The following RPS5 variants were observed in gnomAD, a reference collection of about 807,000 sequenced individuals.
The protein encoded by RPS5 is ribosomal protein S5, also known as small ribosomal subunit protein uS7.
Under a neutral mutation model 20.9 loss-of-function variants are expected in RPS5, and 2 were observed. That is an observed-to-expected ratio of 0.10 (90% CI 0.04 to 0.30). The LOEUF is 0.30. RPS5 is among the 10% of genes least tolerant of loss of function. RPS5 has a pLI of 1.00. For synonymous variants in RPS5, 112 were observed against 105.8 expected (o/e 1.06, Z -0.36); for missense variants, 122 against 287.2 (o/e 0.42, Z 4.16).
chr19:58,390,187 C>T (rs756807020), intron 2 of RPS5, among the ~76,000 whole-genome samples: 4 of 151,798 alleles, frequency 2.6e-5, no homozygotes, highest in South Asian at 2.1e-4. Context: ...TGAGCCACCA[C>T]GCCTGGCGTT....
intron 2 of RPS5, 110 bp from the exon 3 acceptor site, chr19:58,392,866 C>G: frequency 1.0e-6 from 1 of 962,958 alleles, no homozygotes; most frequent in South Asian, 1.5e-5. Flanking sequence ...GGATCCCAGA[C>G]AGCTGTTGGA....
intron 3 of RPS5, 74 bp from the exon 4 acceptor site, chr19:58,393,285 T>C: frequency 6.2e-7 from 1 of 1,608,456 alleles, no homozygotes; most frequent in Non-Finnish European, 8.5e-7. Flanking sequence ...GTGTGGTCAC[T>C]CTTGTTTTAG....
At chr19:58,388,636 G>GTTTTTTTTTTTTTTTTTTTTTTTTTTTT (rs3048304) in intron 2 of RPS5, 3 of 188,910 alleles carry the variant, frequency 1.6e-5, no homozygotes, top group Non-Finnish European at 2.8e-5. Context: ...GCTGGCCGTA[G>GTTTTTTTTTTTTTTTTTTTTTTTTTTTT]TTTTTTTTTT....
At chr19:58,393,530 C>T (rs762547171) in intron 4 of RPS5, 43 bp downstream of exon 4, 10 of 1,579,542 alleles carry the variant, frequency 6.3e-6, no homozygotes, top group East Asian at 2.3e-5. Context: ...GACACAGCCA[C>T]GGGAGTGGGT....
chr19:58,392,252 A>G (rs991242906), intron 2 of RPS5, among the ~76,000 whole-genome samples: 1 of 152,034 alleles, frequency 6.6e-6, no homozygotes, highest in Admixed American at 6.6e-5. Context: ...TGAACCCAGG[A>G]GGCAGAAGTT....
At chr19:58,392,912 T>C (rs1325785442) in intron 2 of RPS5, 64 bp from the exon 3 acceptor site, 32 of 1,501,344 alleles carry the variant, frequency 2.1e-5, no homozygotes, top group Non-Finnish European at 2.7e-5. Flanking sequence ...TCCTCTGGTG[T>C]CTGGCCAACG....
chr19:58,392,850 A>G (rs1384742435), intron 2 of RPS5, 126 bp from the exon 3 acceptor site: 4 of 828,794 alleles, frequency 4.8e-6, no homozygotes, highest in African/African-American at 1.7e-5. Context: ...CTGTTGAGGC[A>G]TACCAGGATC....
intron 2 of RPS5, among the ~76,000 whole-genome samples, chr19:58,390,426 C>CTTTTTTT (rs61279930): frequency 4.2e-5 from 2 of 47,662 alleles, no homozygotes; most frequent in African/African-American, 6.8e-5. Flanking sequence ...GCCACTGTTA[C>CTTTTTTT]TTTTTTTTTT....
At chr19:58,394,379 C>T (rs1427212224) in intron 4 of RPS5, 118 bp from the exon 5 acceptor site, 2 of 771,866 alleles carry the variant, frequency 2.6e-6, no homozygotes, top group African/African-American at 1.7e-5. Context: ...ATGCCACCAC[C>T]TCTTGTCTCA....
intron 2 of RPS5, among the ~76,000 whole-genome samples, chr19:58,392,468 C>CA (rs1175284970): frequency 2.0e-5 from 3 of 151,992 alleles, no homozygotes; most frequent in Non-Finnish European, 2.9e-5. Context: ...ACTAAAAATA[C>CA]AAAAAAACTA....
At position 58,390,426 on chromosome 19, in the gene RPS5, CTTTTTTTTTT is replaced by C. The variant is rs61279930; in HGVS notation, c.108+2201_108+2210del. On this transcript the variant is annotated intron_variant, in intron 2 of 5. Coordinates refer to ENST00000196551, the MANE Select transcript of RPS5 (RefSeq NM_001009.4). ...TTGTGGGCCACACTGGCCACTGTTA[CTTTTTTTTTT>C]TTTTTTTTTTTTTTTTTTTGAGATG... Among the ~76,000 whole-genome samples the C allele has an allele frequency of 3.4e-4, 16 of 47,708 alleles. No individual in the cohort carries two copies. The South Asian group carries it at 0.014, about 41-fold the overall frequency. 31.3% of individuals were successfully genotyped at this position (47,708 alleles called of 152,430 possible).
At chr19:58,387,890 G>A in intron 1 of RPS5, 1 of 540,258 alleles carries the variant, frequency 1.9e-6, no homozygotes, top group South Asian at 2.1e-5. Context: ...TGGTCCCAGT[G>A]CAGCAGCTGT....
At chr19:58,390,695 C>G (rs1430863250) in intron 2 of RPS5, among the ~76,000 whole-genome samples, 1 of 152,162 alleles carries the variant, frequency 6.6e-6, no homozygotes, top group African/African-American at 2.4e-5. Flanking sequence ...AGTGCCTGTT[C>G]CACTAGGGAA....
At chr19:58,394,174 C>T (rs2052381892) in intron 4 of RPS5, 1 of 303,474 alleles carries the variant, frequency 3.3e-6, no homozygotes, top group African/African-American at 2.1e-5. Context: ...TGGTCTCAAA[C>T]TCCCTGCCAA....
Position 58,394,453 on chromosome 19 carries a change from G to T in RPS5, c.448-44G>T. On this transcript the variant is annotated intron_variant, in intron 4 of 5. Transcript: ENST00000196551. ...TGGGAGTGGCCCCAGGGTGCTGGAG[G>T]ACCGCAGTCTGTCCTTCTAGCCTGA... The T allele has an allele frequency of 2.6e-6, 4 of 1,563,734 alleles. No homozygotes were observed. In the South Asian group the frequency reaches 4.5e-5, roughly 17 times the overall value.
rs1288220567 is a variant in RPS5 at position 58,393,653 on chromosome 19, C to T, written c.447+166C>T. 3.9e-5 allele frequency: 31 copies of T among 796,890 alleles called. No individual in the cohort carries two copies. The South Asian group carries it at 5.7e-4, about 15-fold the overall frequency. The allele number at this position is 796,890 out of a possible 1,614,324, so 49.4% of individuals were successfully genotyped here. A position where few individuals can be genotyped will look rare whatever the true frequency, so the allele number is the denominator to read the frequency against. On this transcript the variant is annotated intron_variant, in intron 4 of 5. Transcript: ENST00000196551. ...CACCCTGCATAGGGGCTGATCCAGG[C>T]TCTGGGTCCTCTTCGGGAACACATT...
intron 2 of RPS5, among the ~76,000 whole-genome samples, chr19:58,390,376 A>G (rs2052354955): frequency 7.1e-6 from 1 of 141,206 alleles, no homozygotes; most frequent in Non-Finnish European, 1.5e-5. Flanking sequence ...CATTTTCATT[A>G]TAGGCCCAGA....
intron 2 of RPS5, among the ~76,000 whole-genome samples, chr19:58,389,642 ATTTATTTT>A (rs1568573492): frequency 1.3e-5 from 2 of 151,856 alleles, no homozygotes; most frequent in African/African-American, 4.8e-5. Flanking sequence ...TTATTTATTT[ATTTATTTT>A]TTTGAAACGG....
intron 2 of RPS5, among the ~76,000 whole-genome samples, chr19:58,391,696 C>T (rs1480766710): frequency 5.9e-5 from 9 of 151,862 alleles, no homozygotes; most frequent in Non-Finnish European, 1.2e-4. Context: ...GAGGCTGAGG[C>T]GGACGGATCA....
Sources: allele counts gnomAD v4.1 joint callset (sites outside exome capture counted in the v4.1 genomes callset), GRCh38; gene constraint gnomAD v4.1.1; transcripts MANE v1.5; gene names NCBI Gene and HGNC (gene_info 2026-07-23, HGNC 2026-07-21).